The following XKR6 variants were observed in gnomAD, a reference collection of about 807,000 sequenced individuals.
XKR6 encodes the protein XK related 6, also known as XK-related protein 6.
XKR6 carries 22 observed loss-of-function variants against 56.7 expected under a neutral mutation model. The ratio of observed to expected loss-of-function variants is 0.39; its 90% CI spans 0.28 to 0.55. The LOEUF (loss-of-function observed/expected upper bound fraction) is 0.55, where lower values mean the gene tolerates loss of function less well. Ranked by LOEUF, XKR6 falls within the 20% of genes least tolerant of loss-of-function variation. XKR6 has a pLI of 0.66. For synonymous variants in XKR6, 524 were observed against 387.8 expected (o/e 1.35, Z -4.13); for missense variants, 852 against 889.0 (o/e 0.96, Z 0.53).
intron 1 of XKR6, among the ~76,000 whole-genome samples, chr8:11,198,257 C>T (rs1412436769): frequency 6.6e-6 from 1 of 152,094 alleles, no homozygotes; most frequent in Non-Finnish European, 1.5e-5. Flanking sequence ...AAACAGCAGA[C>T]CATGTTCCTG....
chr8:10,945,344 C>A (rs1490536532), intron 1 of XKR6, among the ~76,000 whole-genome samples: 1 of 152,150 alleles, frequency 6.6e-6, no homozygotes, highest in African/African-American at 2.4e-5. Context: ...ATTAGCTGGG[C>A]ATGGTGGTGC....
intron 2 of XKR6, among the ~76,000 whole-genome samples, chr8:10,916,728 G>C (rs1375320017): frequency 6.6e-6 from 1 of 152,020 alleles, no homozygotes; most frequent in Non-Finnish European, 1.5e-5. Context: ...AAAGAAGTAA[G>C]TGCTTGCCGG....
intron 1 of XKR6, among the ~76,000 whole-genome samples, chr8:11,093,165 C>A (rs1798137071): frequency 1.3e-5 from 2 of 152,290 alleles, no homozygotes; most frequent in African/African-American, 4.8e-5. Flanking sequence ...AAACGATTCT[C>A]CTGCCTCAGC....
chr8:10,957,530 G>T (rs1022389816), intron 1 of XKR6, among the ~76,000 whole-genome samples: 1 of 152,166 alleles, frequency 6.6e-6, no homozygotes, highest in Non-Finnish European at 1.5e-5. Context: ...ATACATCAAT[G>T]TCTTGCAGGC....
intron 2 of XKR6, among the ~76,000 whole-genome samples, chr8:10,922,659 T>C (rs569840861): frequency 7.9e-5 from 12 of 152,200 alleles, no homozygotes; most frequent in Non-Finnish European, 1.8e-4. Flanking sequence ...GGGACTCCCA[T>C]GGCCGCAGCT....
intron 1 of XKR6, among the ~76,000 whole-genome samples, chr8:10,975,193 A>T (rs1274755743): frequency 6.6e-6 from 1 of 152,134 alleles, no homozygotes; most frequent in African/African-American, 2.4e-5. Flanking sequence ...ACCTGAGAGG[A>T]ACTAGCACCC....
intron 1 of XKR6, among the ~76,000 whole-genome samples, chr8:11,139,273 C>G (rs1800561551): frequency 6.6e-6 from 1 of 152,146 alleles, no homozygotes; most frequent in Non-Finnish European, 1.5e-5. Context: ...GAATAAGTAG[C>G]AAAACCCAAA....
At chr8:10,945,208 G>A (rs1054259688) in intron 1 of XKR6, among the ~76,000 whole-genome samples, 4 of 152,202 alleles carry the variant, frequency 2.6e-5, no homozygotes, top group South Asian at 2.1e-4. Flanking sequence ...ATGCTGTTGC[G>A]CACGGTGGCT....
intron 1 of XKR6, among the ~76,000 whole-genome samples, chr8:11,090,785 T>G (rs925714147): frequency 1.3e-5 from 2 of 152,240 alleles, no homozygotes; most frequent in Non-Finnish European, 2.9e-5. Flanking sequence ...ACACCAATCT[T>G]TTGTTGGTTC....
chr8:11,179,511 G>C (rs1773287273), intron 1 of XKR6, among the ~76,000 whole-genome samples: 1 of 152,144 alleles, frequency 6.6e-6, no homozygotes, highest in African/African-American at 2.4e-5. Context: ...ACATGTGTGT[G>C]TGTCCACAAG....
intron 2 of XKR6, among the ~76,000 whole-genome samples, chr8:10,900,112 C>G (rs898274779): frequency 2.6e-5 from 4 of 152,084 alleles, no homozygotes; most frequent in Non-Finnish European, 5.9e-5. Context: ...AACAGGAGGC[C>G]GAATGCTGTC....
chr8:10,946,471 G>A (rs1418802249), intron 1 of XKR6, among the ~76,000 whole-genome samples: 2 of 151,852 alleles, frequency 1.3e-5, no homozygotes, highest in Non-Finnish European at 2.9e-5. Flanking sequence ...GCCCATAGTG[G>A]GCTTATCATT....
chr8:10,924,583 C>T (rs1227404456), intron 2 of XKR6, 51 bp downstream of exon 2: 4 of 1,564,020 alleles, frequency 2.6e-6, no homozygotes, highest in South Asian at 1.2e-5. Context: ...GGCCGTGGTC[C>T]CCAGGTGGAG....
intron 1 of XKR6, among the ~76,000 whole-genome samples, chr8:10,959,422 CT>C (rs1210954661): frequency 6.6e-6 from 1 of 152,138 alleles, no homozygotes; most frequent in Admixed American, 6.5e-5. Flanking sequence ...CAAAATACCC[CT>C]GGGTGGCTTA....
chr8:10,950,431 G>T (rs1222028301), intron 1 of XKR6, among the ~76,000 whole-genome samples: 1 of 152,174 alleles, frequency 6.6e-6, no homozygotes, highest in Non-Finnish European at 1.5e-5. Context: ...AGAGATCACG[G>T]GTCCAGGCCT....
chr8:10,903,157 G>C (rs73209954), intron 2 of XKR6, among the ~76,000 whole-genome samples: 39,582 of 152,112 alleles, frequency 0.26, 6,547 homozygotes, highest in Non-Finnish European at 0.38. Flanking sequence ...AACTCATCTG[G>C]ACCTGTCTGT....
At chr8:11,032,868 G>A (rs947101017) in intron 1 of XKR6, among the ~76,000 whole-genome samples, 1 of 152,176 alleles carries the variant, frequency 6.6e-6, no homozygotes, top group Admixed American at 6.6e-5. Context: ...TGAGCACTGA[G>A]GAGCAGTAGT....
At position 10,985,301 on chromosome 8, in the gene XKR6, G is replaced by C. The variant is rs753579834; in HGVS notation, c.765-60471C>G. 2.6e-4 allele frequency among the ~76,000 whole-genome samples: 39 copies of C among 152,150 alleles called. No homozygotes were observed. The Middle Eastern group carries it at 0.014, about 53-fold the overall frequency. On this transcript the variant is annotated intron_variant, in intron 1 of 2. Transcript: ENST00000416569. ...AGAATAAGTATCATGAGATCTGATG[G>C]TTTTATAAAGGAGAGTTCTCCTGCA...
intron 1 of XKR6, chr8:11,124,034 T>C (rs569206615): frequency 3.5e-5 from 16 of 456,040 alleles, no homozygotes; most frequent in Non-Finnish European, 7.0e-5. Context: ...CCAAGCAATC[T>C]CTAGGCCCCT....
Sources: allele counts gnomAD v4.1 joint callset (sites outside exome capture counted in the v4.1 genomes callset), GRCh38; gene constraint gnomAD v4.1.1; transcripts MANE v1.5; gene names NCBI Gene and HGNC (gene_info 2026-07-23, HGNC 2026-07-21).